SPAG16: variants seen among roughly 807,000 people sequenced by gnomAD.
SPAG16 encodes sperm-associated antigen 16 protein.
SPAG16 carries 86 observed loss-of-function variants against 80.4 expected under a neutral mutation model. The observed-to-expected ratio is 1.07, with a 90% CI of 0.90 to 1.28. The LOEUF is 1.28. Among genes scored for constraint, SPAG16 ranks in the 50% most tolerant of loss-of-function variants. The probability of loss-of-function intolerance (pLI) is 0.00; values close to 1 mark genes in which losing one functional copy is unlikely to be tolerated. For synonymous variants in SPAG16, 294 were observed against 265.9 expected, an observed-to-expected ratio of 1.11 and a Z score of -1.03; for missense variants, 870 against 765.3, an observed-to-expected ratio of 1.14 and a Z score of -1.61.
chr2:214,209,528 TTCTTGC>T (rs900902482), intron 15 of SPAG16, among the ~76,000 whole-genome samples: 16 of 152,190 alleles, frequency 1.1e-4, no homozygotes, highest in African/African-American at 2.7e-4. Flanking sequence ...CTGCTCTTCT[TTCTTGC>T]TCTTGCTCTT....
chr2:214,067,009 T>G (rs1373298390), intron 13 of SPAG16, among the ~76,000 whole-genome samples: 2 of 152,170 alleles, frequency 1.3e-5, no homozygotes, highest in Admixed American at 1.3e-4. Context: ...TTTAGGAGAT[T>G]GCACACCAGG....
chr2:214,357,917 T>C (rs1377222963), intron 15 of SPAG16, among the ~76,000 whole-genome samples: 2 of 152,060 alleles, frequency 1.3e-5, no homozygotes, highest in Non-Finnish European at 2.9e-5. Flanking sequence ...TCAGGTCACA[T>C]AATTCATGTG....
chr2:213,866,517 T>C (rs1246899203), intron 11 of SPAG16, among the ~76,000 whole-genome samples: 1 of 151,760 alleles, frequency 6.6e-6, no homozygotes, highest in African/African-American at 2.4e-5. Context: ...ACTATACCTG[T>C]TAACACACGT....
intron 10 of SPAG16, among the ~76,000 whole-genome samples, chr2:213,737,749 A>T (rs1490702745): frequency 6.6e-6 from 1 of 151,910 alleles, no homozygotes; most frequent in East Asian, 1.9e-4. Context: ...CGGCCTCCCA[A>T]AGTGCTGGGA....
At chr2:213,769,274 C>T (rs2069114770) in intron 10 of SPAG16, among the ~76,000 whole-genome samples, 1 of 152,122 alleles carries the variant, frequency 6.6e-6, no homozygotes, top group Admixed American at 6.6e-5. Context: ...TTTTATATAT[C>T]AGTGAGTTGT....
In SPAG16 at chr2:214,048,306, A is replaced by G. The variant is rs905545709; in HGVS notation, c.1527+34229A>G. On this transcript the variant is annotated intron_variant, in intron 13 of 15. Coordinates refer to ENST00000331683, the MANE Select transcript of SPAG16 (RefSeq NM_024532.5). The stretch of plus-strand genomic sequence containing the variant: ...GGAAGCAACCTAAGTGCCCATCGAC[A>G]CTTAGGTTATCAACAGATGACTGGA... Among the ~76,000 whole-genome samples the G allele has an allele frequency of 5.3e-5, 8 of 152,088 alleles. No individual in the cohort carries two copies. The East Asian group carries it at 5.8e-4, about 11-fold the overall frequency.
At chr2:214,190,937 G>A (rs1171084831) in intron 15 of SPAG16, among the ~76,000 whole-genome samples, 2 of 152,126 alleles carry the variant, frequency 1.3e-5, no homozygotes, top group Non-Finnish European at 1.5e-5. Context: ...ATAGAAAAGT[G>A]CTGTAAATAC....
At chr2:214,165,452 T>C (rs1158349289) in intron 15 of SPAG16, among the ~76,000 whole-genome samples, 1 of 135,228 alleles carries the variant, frequency 7.4e-6, no homozygotes, top group African/African-American at 2.6e-5. Context: ...CTTTTAAAAA[T>C]GCTTTGCATC....
chr2:214,286,659 A>G (rs1350374059), intron 15 of SPAG16, among the ~76,000 whole-genome samples: 1 of 152,210 alleles, frequency 6.6e-6, no homozygotes, highest in East Asian at 1.9e-4. Flanking sequence ...AGGCACAAGA[A>G]TCACTTGAAC....
intron 14 of SPAG16, among the ~76,000 whole-genome samples, chr2:214,119,926 T>C (rs912942184): frequency 6.6e-6 from 1 of 152,032 alleles, no homozygotes; most frequent in Non-Finnish European, 1.5e-5. Context: ...TGATCCTTTG[T>C]AGATAAGGTT....
chr2:213,290,901 CT>C (rs1165045453), intron 1 of SPAG16, among the ~76,000 whole-genome samples: 1 of 152,150 alleles, frequency 6.6e-6, no homozygotes. Flanking sequence ...TTCACTCTGC[CT>C]TTTTTACCGT....
intron 10 of SPAG16, among the ~76,000 whole-genome samples, chr2:213,687,680 G>A (rs888738553): frequency 2.6e-5 from 4 of 151,894 alleles, no homozygotes; most frequent in East Asian, 1.9e-4. Flanking sequence ...GACCCCTTTC[G>A]AGATTTTATC....
chr2:213,379,931 G>A (rs2067081719), intron 9 of SPAG16, among the ~76,000 whole-genome samples: 1 of 152,124 alleles, frequency 6.6e-6, no homozygotes, highest in African/African-American at 2.4e-5. Flanking sequence ...CACAGAACGG[G>A]GCATCCTTTC....
chr2:214,329,040 G>GTAAC (rs1288605867), intron 15 of SPAG16, among the ~76,000 whole-genome samples: 1 of 152,174 alleles, frequency 6.6e-6, no homozygotes, highest in Non-Finnish European at 1.5e-5. Flanking sequence ...TGGTTAGAAT[G>GTAAC]TAACTTTGTA....
chr2:213,867,926 CAAAAAAA>C (rs35795865), intron 11 of SPAG16, among the ~76,000 whole-genome samples: 1 of 45,884 alleles, frequency 2.2e-5, no homozygotes, highest in Non-Finnish European at 4.5e-5. Context: ...TCTGTCTCAA[CAAAAAAA>C]AAAAAAAAAA....
chr2:213,591,147 T>A lies in SPAG16; in HGVS notation c.1070+101057T>A, dbSNP rs944210684. On this transcript the variant is annotated intron_variant, in intron 10 of 15. Transcript: ENST00000331683. ...ACATTTTTATTCTATATTCTTGCCATCTTTATCTTCTAGGTTATAGGAAGC... is the reference window on the plus strand; with the variant it reads ...ACATTTTTATTCTATATTCTTGCCAACTTTATCTTCTAGGTTATAGGAAGC... Among the ~76,000 whole-genome samples, 6 of 152,322 alleles carry A rather than the reference T, an allele frequency of 3.9e-5. 1 individual carries two copies. The highest frequency in any genetic ancestry group is 4.1e-4 in the South Asian group (2 of 4,824).
intron 9 of SPAG16, among the ~76,000 whole-genome samples, chr2:213,447,155 A>T (rs759262490): frequency 6.6e-6 from 1 of 152,196 alleles, no homozygotes; most frequent in Non-Finnish European, 1.5e-5. Flanking sequence ...TTTAAAAAAC[A>T]ATTGCTCCTC....
chr2:214,075,746 T>C (rs1030740216), intron 13 of SPAG16, among the ~76,000 whole-genome samples: 6 of 152,212 alleles, frequency 3.9e-5, no homozygotes, highest in African/African-American at 1.2e-4. Flanking sequence ...TAAGTGAAAC[T>C]GATTTATTTT....
chr2:213,972,236 G>T (rs1160502105), intron 12 of SPAG16, among the ~76,000 whole-genome samples: 2 of 150,634 alleles, frequency 1.3e-5, no homozygotes, highest in Non-Finnish European at 3.0e-5. Flanking sequence ...GTATTCATCA[G>T]AGAAAAAGAA....
Sources: allele counts gnomAD v4.1 joint callset (sites outside exome capture counted in the v4.1 genomes callset), GRCh38; gene constraint gnomAD v4.1.1; transcripts MANE v1.5; gene names NCBI Gene and HGNC (gene_info 2026-07-23, HGNC 2026-07-21).